Variants in ST6GALNAC1 observed in about 807,000 individuals in gnomAD.
ST6GALNAC1 encodes ST6 N-acetylgalactosaminide alpha-2,6-sialyltransferase 1.
In ST6GALNAC1, 45 loss-of-function variants were observed where a neutral mutation model predicts 56.8. The ratio of observed to expected loss-of-function variants is 0.79; its 90% CI spans 0.62 to 1.02. The LOEUF is 1.02. ST6GALNAC1 is among the 50% of genes least tolerant of loss of function. ST6GALNAC1 has a pLI of 0.00. For synonymous variants in ST6GALNAC1, 295 were observed against 297.8 expected (o/e 0.99, Z 0.10); for missense variants, 743 against 754.8 (o/e 0.98, Z 0.18).
At chr17:76,638,168 G>C (rs2076002441) in intron 1 of ST6GALNAC1, among the ~76,000 whole-genome samples, 1 of 149,132 alleles carries the variant, frequency 6.7e-6, no homozygotes, top group Non-Finnish European at 1.5e-5. Flanking sequence ...TCCTTGTGCA[G>C]GGGCCATGCT....
intron 2 of ST6GALNAC1, among the ~76,000 whole-genome samples, chr17:76,628,616 G>A (rs1156471125): frequency 1.3e-5 from 2 of 152,126 alleles, no homozygotes; most frequent in African/African-American, 4.8e-5. Flanking sequence ...TGAGGTTGGG[G>A]TGTCCTTGTC....
chr17:76,630,273 G>C (rs141419471), intron 1 of ST6GALNAC1, among the ~76,000 whole-genome samples: 8 of 152,204 alleles, frequency 5.3e-5, no homozygotes, highest in Admixed American at 2.0e-4. Context: ...ATTGTTATTC[G>C]AGGCAGGAAA....
intron 1 of ST6GALNAC1, among the ~76,000 whole-genome samples, chr17:76,637,191 G>C (rs2075986858): frequency 6.9e-6 from 1 of 145,484 alleles, no homozygotes; most frequent in Admixed American, 7.2e-5. Flanking sequence ...ATGTTTATCT[G>C]CTGACCTTCC....
At chr17:76,628,639 C>T (rs909096728) in intron 2 of ST6GALNAC1, among the ~76,000 whole-genome samples, 1 of 152,096 alleles carries the variant, frequency 6.6e-6, no homozygotes, top group African/African-American at 2.4e-5. Flanking sequence ...TGAGTCCCTC[C>T]CCTGCAGCCC....
chr17:76,629,087 C>T lies in ST6GALNAC1; in HGVS notation c.756G>A (p.Lys252=). Residue 252 remains lysine, a synonymous_variant, in exon 2 of 9, where the codon AAG becomes AAA. Coordinates refer to ENST00000156626, the MANE Select transcript of ST6GALNAC1 (RefSeq NM_018414.5). ...SPTTQRNQRL[K]AANFKSEPRW... ...GAGGCTCAGATTTGAAGTTGGCGGC[C>T]TTCAGTCTTTGGTTTCTCTGCGTCG... The T allele has an allele frequency of 1.3e-6, 2 of 1,585,138 alleles. No homozygotes were observed. Among genetic ancestry groups the T allele is most frequent in the South Asian group, 2.3e-5 (2 of 88,488 alleles).
At chr17:76,628,878 T>C (rs2075849550) in intron 2 of ST6GALNAC1, 134 bp downstream of exon 2, 5 of 805,906 alleles carry the variant, frequency 6.2e-6, no homozygotes, top group Non-Finnish European at 9.9e-6. Context: ...CTCTGCCTCA[T>C]AATGAGCTTG....
chr17:76,632,499 C>T (rs2075917851), intron 1 of ST6GALNAC1, among the ~76,000 whole-genome samples: 3 of 152,102 alleles, frequency 2.0e-5, no homozygotes, highest in Admixed American at 2.0e-4. Context: ...TATTCAACCG[C>T]AAATCTACAA....
At chr17:76,620,841 C>T (rs1252769703), downstream of ST6GALNAC1, among the ~76,000 whole-genome samples, 1 of 151,728 alleles carries the variant, frequency 6.6e-6, no homozygotes. Context: ...GTGATCCACC[C>T]GCCTCGGCCT....
At chr17:76,625,652 C>T in intron 8 of ST6GALNAC1, 125 bp from the exon 9 acceptor site, 1 of 1,253,240 alleles carries the variant, frequency 8.0e-7, no homozygotes, top group South Asian at 1.4e-5. Context: ...GGTCTGGGTG[C>T]AGGTCCCTGG....
In ST6GALNAC1 at chr17:76,629,588, G is replaced by A. The variant is rs747898684; in HGVS notation, c.255C>T (p.Ala85=). The stretch of plus-strand genomic sequence containing the variant: ...CCTTGGGCTGGGTTTGTGTGTTGAG[G>A]GCATTGTTCTCTGGCACTGGCTCTG... ...IYAEPVPENN[A]LNTQTQPKAH... The change falls in exon 2 of 9, where the codon GCC becomes GCT. Residue 85 remains alanine, a synonymous_variant. Coordinates refer to ENST00000156626, the MANE Select transcript of ST6GALNAC1 (RefSeq NM_018414.5). 4.5e-5 allele frequency: 73 copies of A among 1,613,778 alleles called. No individual in the cohort carries two copies. Among genetic ancestry groups the A allele is most frequent in the Non-Finnish European group, 6.0e-5 (71 of 1,179,954 alleles).
rs17856659 is a variant in ST6GALNAC1, at chr17:76,627,102, C to T, written c.1137G>A (p.Met379Ile). ...AGTCGTGACTGTCTATCTCCTGGCCCATGTGGGAGTTGTTCAGGATGCCCC... is the reference window on the plus strand; with the variant it reads ...AGTCGTGACTGTCTATCTCCTGGCCTATGTGGGAGTTGTTCAGGATGCCCC... ...GNGGILNNSHMGQEIDSHDYV... is the reference protein window; with the variant it reads ...GNGGILNNSHIGQEIDSHDYV... The change falls in exon 4 of 9, where the codon ATG becomes ATA. Residue 379 changes from methionine (M) to isoleucine (I), a missense_variant. Met to Ile is a conservative substitution (Grantham distance 10, BLOSUM62 1). Transcript: ENST00000156626. The surrounding 1 kb of genome is among the most constrained non-coding windows in gnomAD (Gnocchi z 4.4). 4 of 1,576,214 alleles carry T rather than the reference C, an allele frequency of 2.5e-6. No individual in the cohort carries two copies. The South Asian group carries it at 4.7e-5, about 19-fold the overall frequency.
intron 1 of ST6GALNAC1, among the ~76,000 whole-genome samples, chr17:76,637,111 T>A (rs1264116247): frequency 1.8e-3 from 260 of 145,422 alleles, no homozygotes; most frequent in African/African-American, 5.7e-3. Flanking sequence ...AATCTCAAGT[T>A]CCCAGGGACA....
intron 1 of ST6GALNAC1, chr17:76,642,015 G>GTA (rs1282806969): frequency 6.7e-6 from 1 of 149,604 alleles, no homozygotes; most frequent in East Asian, 1.9e-4. Context: ...TGATATATAT[G>GTA]TGTATATATC....
At chr17:76,628,070 C>G (rs1045929219) in intron 2 of ST6GALNAC1, among the ~76,000 whole-genome samples, 6 of 147,552 alleles carry the variant, frequency 4.1e-5, no homozygotes, top group African/African-American at 1.3e-4. Context: ...GCACTCCAGC[C>G]TGGGCGACAG....
chr17:76,618,090 G>A, the ST6GALNAC1 span, among the ~76,000 whole-genome samples: 1 of 152,268 alleles, frequency 6.6e-6, no homozygotes, highest in South Asian at 2.1e-4. Flanking sequence ...AGCAGCCAAG[G>A]TTTCCCCGTT....
chr17:76,628,953 C>T (rs1567954953), intron 2 of ST6GALNAC1, 59 bp downstream of exon 2: 1 of 1,475,658 alleles, frequency 6.8e-7, no homozygotes, highest in Non-Finnish European at 9.1e-7. Context: ...GCTGGGCTTC[C>T]TCTCAGGAGG....
At chr17:76,620,877 G>A (rs113943821), downstream of ST6GALNAC1, among the ~76,000 whole-genome samples, 7,627 of 152,082 alleles carry the variant, frequency 0.05, 240 homozygotes, top group East Asian at 0.16. Context: ...TTACAGGCAT[G>A]AGCCACCATG....
Position 76,629,204 on chromosome 17 carries a change from C to T in ST6GALNAC1, c.639G>A (p.Arg213=), listed in dbSNP as rs2075855738. The change falls in exon 2 of 9, where the codon AGG becomes AGA. Residue 213 remains arginine, a synonymous_variant. Coordinates refer to ENST00000156626, the MANE Select transcript of ST6GALNAC1 (RefSeq NM_018414.5). ...CTGTGGTCACTCCTTTCTGTCTCGTCCTTGTTGACACTGCTCCTGTGGGAG... is the reference window on the plus strand; with the variant it reads ...CTGTGGTCACTCCTTTCTGTCTCGTTCTTGTTGACACTGCTCCTGTGGGAG... ...MLAPTGAVST[R]TRQKGVTTAV... 2 of 1,614,148 alleles carry T rather than the reference C, an allele frequency of 1.2e-6. No individual in the cohort carries two copies. Among genetic ancestry groups the T allele is most frequent in the South Asian group, 1.1e-5 (1 of 91,082 alleles).
chr17:76,638,128 T>TA, intron 1 of ST6GALNAC1, among the ~76,000 whole-genome samples: 1 of 150,840 alleles, frequency 6.6e-6, no homozygotes. Flanking sequence ...TTTTTTTTTT[T>TA]AATGGAACGC....
Sources: allele counts gnomAD v4.1 joint callset (sites outside exome capture counted in the v4.1 genomes callset), GRCh38; gene constraint gnomAD v4.1.1; non-coding constraint Gnocchi (gnomAD v3.1); transcripts MANE v1.5; gene names NCBI Gene and HGNC (gene_info 2026-07-23, HGNC 2026-07-21).